KLHL24: variants seen among roughly 807,000 people sequenced by gnomAD.
KLHL24 encodes the protein kelch like family member 24.
Under a neutral mutation model 53.4 loss-of-function variants are expected in KLHL24, and 29 were observed. The ratio of observed to expected loss-of-function variants is 0.54; its 90% CI spans 0.40 to 0.74. The LOEUF (loss-of-function observed/expected upper bound fraction) is 0.74, where lower values mean the gene tolerates loss of function less well. Among genes scored for constraint, KLHL24 ranks in the 30% least tolerant of loss-of-function variants. The pLI is 0.00. For missense variants in KLHL24, 504 were observed against 744.0 expected (o/e 0.68, Z 3.75); for synonymous variants, 222 against 253.7 (o/e 0.88, Z 1.19).
rs570481261 is a variant in KLHL24 at position 183,657,929 on chromosome 3, A to G, written c.921-5529A>G. 3.9e-5 allele frequency among the ~76,000 whole-genome samples: 6 copies of G among 152,230 alleles called. No individual in the cohort carries two copies. In the South Asian group the frequency reaches 1.0e-3, roughly 26 times the overall value. The stretch of plus-strand genomic sequence containing the variant: ...AACCTCTTTTAGAAGTATTCTTTGT[A>G]TAGCTGGGCATGGTGGCTCACGCCT... On this transcript the variant is annotated intron_variant, in intron 3 of 7. Transcript: ENST00000242810.
chr3:183,675,364 C>T (rs931413558), intron 7 of KLHL24, among the ~76,000 whole-genome samples: 1 of 152,082 alleles, frequency 6.6e-6, no homozygotes, highest in African/African-American at 2.4e-5. Flanking sequence ...ATGAAAGGGA[C>T]ATAATAGGCA....
chr3:183,636,032 A>G (rs989594531), intron 1 of KLHL24, among the ~76,000 whole-genome samples: 1 of 151,468 alleles, frequency 6.6e-6, no homozygotes, highest in Non-Finnish European at 1.5e-5. Context: ...GCCTCCTGGC[A>G]CTACGGCCCG....
intron 3 of KLHL24, among the ~76,000 whole-genome samples, chr3:183,651,687 G>A (rs939708507): frequency 6.6e-6 from 1 of 152,204 alleles, no homozygotes; most frequent in Non-Finnish European, 1.5e-5. Flanking sequence ...GGGCACAGGG[G>A]CTCACACCTA....
chr3:183,668,206 A>G (rs1011361743), intron 5 of KLHL24, among the ~76,000 whole-genome samples: 2 of 152,058 alleles, frequency 1.3e-5, no homozygotes, highest in African/African-American at 4.8e-5. Context: ...CTGTGCCTCA[A>G]GAAGGACAAA....
intron 5 of KLHL24, among the ~76,000 whole-genome samples, chr3:183,669,037 A>G (rs1444878211): frequency 1.3e-5 from 2 of 152,182 alleles, no homozygotes; most frequent in East Asian, 3.9e-4. Flanking sequence ...GATAAAGCAG[A>G]GGCAAAAGCT....
At chr3:183,678,496 C>T (rs1351447488) in intron 7 of KLHL24, among the ~76,000 whole-genome samples, 2 of 150,528 alleles carry the variant, frequency 1.3e-5, no homozygotes, top group Non-Finnish European at 2.9e-5. Flanking sequence ...ATCTTGGCCC[C>T]AATTACTAAC....
intron 3 of KLHL24, among the ~76,000 whole-genome samples, chr3:183,662,108 A>G (rs1375766736): frequency 3.9e-5 from 6 of 152,150 alleles, no homozygotes; most frequent in African/African-American, 1.2e-4. Context: ...TTAATGTTTT[A>G]CTAAATACTA....
intron 3 of KLHL24, among the ~76,000 whole-genome samples, chr3:183,654,324 T>G (rs1336514778): frequency 1.3e-5 from 2 of 152,230 alleles, no homozygotes; most frequent in African/African-American, 4.8e-5. Context: ...CACATCTCTT[T>G]GTCTTCCCTT....
rs772008385 is a variant in KLHL24, at chr3:183,682,598, CATG to C, written c.*3313_*3315del. ...TTAATTTGGAAAAAGGGGCTTCACA[CATG>C]GTGGTGGTTGAACATTGATTCTTTT... On this transcript the variant is annotated 3_prime_UTR_variant, in exon 8 of 8. Transcript: ENST00000242810. 1.3e-5 allele frequency: 2 copies of C among 152,602 alleles called. No homozygotes were observed. The highest frequency in any genetic ancestry group is 4.8e-5 in the African/African-American group (2 of 41,458). 9.5% of individuals were successfully genotyped at this position (152,602 alleles called of 1,614,324 possible). A position where few individuals can be genotyped will look rare whatever the true frequency, so the allele number is the denominator to read the frequency against.
At chr3:183,647,716 A>G (rs1443690259) in intron 2 of KLHL24, among the ~76,000 whole-genome samples, 1 of 152,080 alleles carries the variant, frequency 6.6e-6, no homozygotes, top group Non-Finnish European at 1.5e-5. Flanking sequence ...AAAACAAAAC[A>G]TAACAGGCTG....
chr3:183,649,450 T>G (rs1717804861), intron 2 of KLHL24, among the ~76,000 whole-genome samples: 1 of 150,406 alleles, frequency 6.6e-6, no homozygotes, highest in Non-Finnish European at 1.5e-5. Flanking sequence ...GTATTTTCTA[T>G]CAATACAGCA....
At chr3:183,637,744 C>T (rs1577246307) in intron 1 of KLHL24, among the ~76,000 whole-genome samples, 3 of 152,130 alleles carry the variant, frequency 2.0e-5, no homozygotes, top group Admixed American at 2.0e-4. Flanking sequence ...CTGCAATCTC[C>T]GCCTCCCGAG....
At chr3:183,643,043 T>C (rs1019569326) in intron 1 of KLHL24, 12 of 152,270 alleles carry the variant, frequency 7.9e-5, no homozygotes, top group African/African-American at 2.4e-4. Context: ...CCAGCCTGAC[T>C]AACATGGAGA....
At chr3:183,636,483 G>A (rs1715217882) in intron 1 of KLHL24, 2 of 152,364 alleles carry the variant, frequency 1.3e-5, no homozygotes, top group South Asian at 2.1e-4. Flanking sequence ...GGCGGGCGGG[G>A]GAGCGGGCGT....
In KLHL24 at chr3:183,668,610, G is replaced by GA. The variant is rs201885649; in HGVS notation, c.1225-2418dup. Among the ~76,000 whole-genome samples the GA allele has an allele frequency of 9.0e-3, 1,373 of 152,160 alleles. 17 individuals carry two copies. The highest frequency in any genetic ancestry group is 0.03 in the African/African-American group (1,241 of 41,512). On this transcript the variant is annotated intron_variant, in intron 5 of 7. Coordinates refer to ENST00000242810, the MANE Select transcript of KLHL24 (RefSeq NM_017644.3). ...GTGTGTCTTAGGCTGCAATCCTCAA[G>GA]AAAAAATAAAAAATTACCGGGTGCG...
At chr3:183,677,226 A>C (rs1712044784) in intron 7 of KLHL24, among the ~76,000 whole-genome samples, 1 of 152,176 alleles carries the variant, frequency 6.6e-6, no homozygotes, top group African/African-American at 2.4e-5. Flanking sequence ...ATTGTTTTAG[A>C]ATCATCCTCA....
chr3:183,678,183 G>T (rs1712225576), intron 7 of KLHL24, among the ~76,000 whole-genome samples: 1 of 152,206 alleles, frequency 6.6e-6, no homozygotes, highest in Admixed American at 6.5e-5. Context: ...ATAAAATTTA[G>T]CTTAGAATCC....
At position 183,650,018 on chromosome 3, in the gene KLHL24, G is replaced by A. The variant is rs937327701; in HGVS notation, c.-61-278G>A. Among the ~76,000 whole-genome samples, 9 of 152,156 alleles carry A rather than the reference G, an allele frequency of 5.9e-5. No homozygotes were observed. Among genetic ancestry groups the A allele is most frequent in the Non-Finnish European group, 1.0e-4 (7 of 68,030 alleles). On this transcript the variant is annotated intron_variant, in intron 2 of 7. Transcript: ENST00000242810. This position sits in a 1 kb window ranked among gnomAD's most constrained non-coding sequence, Gnocchi z 4.5. ...AGTATGAAACTCAGCTCTGTAAATG[G>A]GGAGGAAACGGAAGGTTATTAGTAA...
chr3:183,665,525 C>T lies in KLHL24; in HGVS notation c.1224+486C>T, dbSNP rs559632928. 8.9e-4 allele frequency among the ~76,000 whole-genome samples: 135 copies of T among 152,206 alleles called. 1 individual carries two copies. Among genetic ancestry groups the T allele is most frequent in the African/African-American group, 3.1e-3 (130 of 41,542 alleles). On this transcript the variant is annotated intron_variant, in intron 5 of 7. Coordinates refer to ENST00000242810, the MANE Select transcript of KLHL24 (RefSeq NM_017644.3). ...CAGCACTTTGGGAGGCTGAGGCGGG[C>T]AGATCATGAGGTCAGGAGATCGAGA... is the stretch of plus-strand genomic sequence containing the variant.
Sources: gnomAD v4.1 joint callset for allele counts (sites outside exome capture counted in the v4.1 genomes callset) on GRCh38, gnomAD v4.1.1 for gene constraint, Gnocchi (gnomAD v3.1) non-coding constraint, MANE v1.5 for transcripts, NCBI Gene and HGNC (gene_info 2026-07-23, HGNC 2026-07-21) for gene names.